Variants in RYR3 observed in about 807,000 individuals in gnomAD.
RYR3 encodes the protein ryanodine receptor 3.
A neutral mutation model predicts 584.3 loss-of-function variants in RYR3; 207 were observed. That is an observed-to-expected ratio of 0.35 (90% CI 0.32 to 0.40). The LOEUF (loss-of-function observed/expected upper bound fraction) is 0.40, where lower values mean the gene tolerates loss of function less well. Among genes scored for constraint, RYR3 ranks in the 10% least tolerant of loss-of-function variants. The pLI is 1.00. For missense variants in RYR3, 5,616 were observed against 6,089.2 expected (o/e 0.92, Z 2.59); for synonymous variants, 2,416 against 2,248.5 (o/e 1.07, Z -2.11).
chr15:33,705,096 ACTCTTTCTCTCTCT>A (rs892703201), intron 42 of RYR3, among the ~76,000 whole-genome samples: 13 of 78,874 alleles, frequency 1.6e-4, no homozygotes, highest in African/African-American at 6.6e-4. Context: ...ATGCACACAC[ACTCTTTCTCTCTCT>A]CTCTCTCTCT....
At chr15:33,716,358 A>G (rs1405282976) in intron 43 of RYR3, among the ~76,000 whole-genome samples, 1 of 152,190 alleles carries the variant, frequency 6.6e-6, no homozygotes, top group African/African-American at 2.4e-5. Context: ...CATAGTATAA[A>G]GCGTGTACAG....
intron 1 of RYR3, among the ~76,000 whole-genome samples, chr15:33,317,981 C>G (rs1351697291): frequency 6.6e-6 from 1 of 152,222 alleles, no homozygotes; most frequent in Non-Finnish European, 1.5e-5. Context: ...AGGAATCTTA[C>G]TATTATTGGA....
intron 16 of RYR3, among the ~76,000 whole-genome samples, chr15:33,598,633 CA>C (rs367814938): frequency 0.021 from 2,787 of 130,406 alleles, 88 homozygotes; most frequent in African/African-American, 0.076. Context: ...AGAAGCAGGA[CA>C]AAAAAAAAAA....
intron 1 of RYR3, among the ~76,000 whole-genome samples, chr15:33,442,721 T>G (rs1050689919): frequency 2.0e-5 from 3 of 152,242 alleles, no homozygotes; most frequent in African/African-American, 7.2e-5. Flanking sequence ...TAGCAGTACT[T>G]CATTTATCTG....
chr15:33,454,363 C>A (rs2047369207), intron 1 of RYR3, among the ~76,000 whole-genome samples: 1 of 152,198 alleles, frequency 6.6e-6, no homozygotes. Flanking sequence ...TTTCCCCATA[C>A]AGTAGCCTGG....
At chr15:33,348,456 A>T (rs1335746553) in intron 1 of RYR3, among the ~76,000 whole-genome samples, 1 of 152,042 alleles carries the variant, frequency 6.6e-6, no homozygotes, top group Non-Finnish European at 1.5e-5. Context: ...AGGTCTCCTG[A>T]CCTAAGTGAT....
At chr15:33,437,359 T>C (rs926434865) in intron 1 of RYR3, among the ~76,000 whole-genome samples, 4 of 152,230 alleles carry the variant, frequency 2.6e-5, no homozygotes, top group Non-Finnish European at 4.4e-5. Context: ...ACGGCATGGC[T>C]GCCATACTCC....
At chr15:33,555,630 GTA>G (rs2057018455) in intron 10 of RYR3, among the ~76,000 whole-genome samples, 1 of 152,144 alleles carries the variant, frequency 6.6e-6, no homozygotes, top group African/African-American at 2.4e-5. Context: ...TTAAAAAAAA[GTA>G]TGTCTTGAAT....
At chr15:33,342,260 T>A (rs894387198) in intron 1 of RYR3, among the ~76,000 whole-genome samples, 21 of 152,224 alleles carry the variant, frequency 1.4e-4, no homozygotes, top group Non-Finnish European at 2.9e-5. Context: ...GTGTGGGGCT[T>A]AGAAAACTGA....
chr15:33,480,477 T>C (rs1477138884), intron 2 of RYR3, among the ~76,000 whole-genome samples: 1 of 152,194 alleles, frequency 6.6e-6, no homozygotes, highest in Admixed American at 6.5e-5. Context: ...TCAGAAAATG[T>C]TGATTGGCTT....
chr15:33,423,423 G>A (rs2044377291), intron 1 of RYR3, among the ~76,000 whole-genome samples: 1 of 152,100 alleles, frequency 6.6e-6, no homozygotes, highest in Non-Finnish European at 1.5e-5. Flanking sequence ...CACTTTGATT[G>A]TTTCCACCTT....
intron 1 of RYR3, among the ~76,000 whole-genome samples, chr15:33,318,094 A>G (rs1968453502): frequency 6.6e-6 from 1 of 152,258 alleles, no homozygotes; most frequent in Admixed American, 6.5e-5. Flanking sequence ...CTGGGGTGAC[A>G]GCTGCTTGCT....
intron 81 of RYR3, 139 bp from the exon 82 acceptor site, chr15:33,825,464 G>A: frequency 1.7e-6 from 1 of 573,782 alleles, no homozygotes; most frequent in Non-Finnish European, 3.1e-6. Context: ...CATTAGACTT[G>A]CAACCACCCT....
intron 85 of RYR3, among the ~76,000 whole-genome samples, chr15:33,830,214 G>C (rs980045043): frequency 3.3e-5 from 5 of 152,174 alleles, no homozygotes; most frequent in Admixed American, 3.3e-4. Flanking sequence ...AGTTGATGCA[G>C]TTAACACTGT....
intron 98 of RYR3, among the ~76,000 whole-genome samples, chr15:33,857,360 CTG>C (rs1193823992): frequency 6.6e-6 from 1 of 152,066 alleles, no homozygotes; most frequent in Non-Finnish European, 1.5e-5. Flanking sequence ...GCCTCTCTCT[CTG>C]TGTCTCCAAC....
Position 33,671,813 on chromosome 15 carries a change from T to C in RYR3, c.5860+1257T>C, listed in dbSNP as rs865924623. 8.7e-3 allele frequency among the ~76,000 whole-genome samples: 850 copies of C among 97,710 alleles called. 5 individuals are homozygous for C. Among genetic ancestry groups the C allele is most frequent in the Non-Finnish European group, 0.013 (533 of 41,590 alleles). 64.1% of individuals were successfully genotyped at this position (97,710 alleles called of 152,430 possible). ...TTTCCCACCTTCTTTTTCTTTTTTT[T>C]TTTTTTTTTTTTTTTTCCTGAGACA... On this transcript the variant is annotated intron_variant, in intron 38 of 103. Transcript: ENST00000634891.
intron 1 of RYR3, among the ~76,000 whole-genome samples, chr15:33,314,787 G>A (rs1164124769): frequency 6.6e-6 from 1 of 152,214 alleles, no homozygotes; most frequent in Non-Finnish European, 1.5e-5. Context: ...GGTGGTGGGT[G>A]CCTGTAGTCC....
rs2061463726 is a variant in RYR3 at position 33,635,639 on chromosome 15, C to T, written c.3201C>T (p.Ser1067=). 6.2e-7 allele frequency: 1 copy of T among 1,613,794 alleles called. No homozygotes were observed. Among genetic ancestry groups the T allele is most frequent in the South Asian group, 1.1e-5 (1 of 90,998 alleles). Residue 1067 remains serine (S), a synonymous_variant, in exon 26 of 104, where the codon AGC becomes AGT. Transcript: ENST00000634891. ...CTGACTCGGCTGTGGAGAAGGTCAGCATAGACAAGATCCGATTTTTCCGGG... is the reference window on the plus strand; with the variant it reads ...CTGACTCGGCTGTGGAGAAGGTCAGTATAGACAAGATCCGATTTTTCCGGG... ...ELADSAVEKV[S]IDKIRFFRVE... is the part of the protein sequence containing the mutation.
At chr15:33,312,990 G>A (rs1211254220) in intron 1 of RYR3, among the ~76,000 whole-genome samples, 1 of 152,220 alleles carries the variant, frequency 6.6e-6, no homozygotes. Context: ...GTACACCCAT[G>A]ACAGCCTGTG....
Sources: allele counts gnomAD v4.1 joint callset (sites outside exome capture counted in the v4.1 genomes callset), GRCh38; gene constraint gnomAD v4.1.1; transcripts MANE v1.5; gene names NCBI Gene and HGNC (gene_info 2026-07-23, HGNC 2026-07-21).